The following TGOLN2 variants were observed in gnomAD, a reference collection of about 807,000 sequenced individuals.
TGOLN2 encodes the protein trans-golgi network protein 2.
TGOLN2 carries 19 observed loss-of-function variants against 31.3 expected under a neutral mutation model. The ratio of observed to expected loss-of-function variants is 0.61; its 90% confidence interval spans 0.42 to 0.89. TGOLN2 has a LOEUF of 0.89. Ranked by LOEUF, TGOLN2 falls within the 40% of genes least tolerant of loss-of-function variation. The pLI, the probability that TGOLN2 is intolerant of heterozygous loss-of-function variation, is 0.00. For synonymous variants in TGOLN2, 222 were observed against 226.7 expected, an observed-to-expected ratio of 0.98 and a Z score of 0.19; for missense variants, 540 against 559.2, an observed-to-expected ratio of 0.97 and a Z score of 0.35.
At chr2:85,325,092 G>T in intron 2 of TGOLN2, 94 bp from the exon 3 acceptor site, 1 of 1,143,500 alleles carries the variant, frequency 8.7e-7, no homozygotes, top group Non-Finnish European at 1.3e-6. Context: ...TAGCATATTT[G>T]TTAATGACCC....
chr2:85,324,189 G>C (rs761940499), intron 3 of TGOLN2, among the ~76,000 whole-genome samples: 1 of 152,150 alleles, frequency 6.6e-6, no homozygotes, highest in Admixed American at 6.5e-5. Flanking sequence ...TTGGGAGGTC[G>C]AGGCGGGCGG....
At position 85,327,361 on chromosome 2, in the gene TGOLN2, C is replaced by T. The variant is rs1214876969; in HGVS notation, c.371G>A (p.Ser124Asn). The change falls in exon 2 of 4, where the codon AGT becomes AAT. Residue 124 changes from serine to asparagine, a missense_variant. Transcript: ENST00000377386. Reference sequence around the variant, plus strand: ...AGTCTGCAGCTCCGGATGCGACTTACTAGTGCTGTCTTTTGTGGTCTGCGC... The same window carrying T: ...AGTCTGCAGCTCCGGATGCGACTTATTAGTGCTGTCTTTTGTGGTCTGCGC... ...SEAQTTKDST[S>N]KSHPELQTPK... is the part of the protein sequence containing the mutation. 20 of 1,592,798 alleles carry T rather than the reference C, an allele frequency of 1.3e-5. No individual in the cohort carries two copies. Among genetic ancestry groups the T allele is most frequent in the Non-Finnish European group, 1.5e-5 (18 of 1,172,860 alleles).
At chr2:85,323,621 G>A (rs1396831607) in intron 3 of TGOLN2, among the ~76,000 whole-genome samples, 2 of 152,190 alleles carry the variant, frequency 1.3e-5, no homozygotes, top group Non-Finnish European at 2.9e-5. Flanking sequence ...TCAATTATCT[G>A]AAAAGGCAGT....
Position 85,321,475 on chromosome 2 carries a change from T to C in TGOLN2, c.*1261A>G, listed in dbSNP as rs780942528. On this transcript the variant is annotated 3_prime_UTR_variant, in exon 4 of 4. Transcript: ENST00000377386. ...TCCCTGAGATCAGCTCAGAAACAAC[T>C]CTCTTTAGGCTCTCTACAATGCGGT... 1 of 152,614 alleles carries C rather than the reference T, an allele frequency of 6.6e-6. No individual in the cohort carries two copies. The highest frequency in any genetic ancestry group is 6.5e-5 in the Admixed American group (1 of 15,272). The allele number at this position is 152,614 out of a possible 1,614,324, so 9.5% of individuals were successfully genotyped here. A position where few individuals can be genotyped will look rare whatever the true frequency, so the allele number is the denominator to read the frequency against.
rs772235449 is a variant in TGOLN2, at chr2:85,327,154, G to C, written c.578C>G (p.Ser193Cys). Residue 193 changes from serine to cysteine, a missense_variant, in exon 2 of 4, where the codon TCC (serine) becomes TGC (cysteine). By Grantham distance (112) the Ser-to-Cys change is moderately radical. Transcript: ENST00000377386. ...CTGATCCTCCGCACCCGACTTGCTGGAGCCGTCTTTTGGGGTCTGGCCGTC... is the reference window on the plus strand; with the variant it reads ...CTGATCCTCCGCACCCGACTTGCTGCAGCCGTCTTTTGGGGTCTGGCCGTC... The part of the protein sequence containing the change: ...GADGQTPKDG[S>C]SKSGAEDQTP... The C allele has an allele frequency of 6.2e-7, 1 of 1,613,696 alleles. No individual in the cohort carries two copies. The highest frequency in any genetic ancestry group is 8.5e-7 in the Non-Finnish European group (1 of 1,179,864).
Position 85,327,123 on chromosome 2 carries a change from T to G in TGOLN2, c.609A>C (p.Pro203=), listed in dbSNP as rs2104416712. 7 of 1,613,832 alleles carry G rather than the reference T, an allele frequency of 4.3e-6. No homozygotes were observed. In the East Asian group the frequency reaches 1.6e-4, roughly 36 times the overall value. Residue 203 remains proline, a synonymous_variant, in exon 2 of 4, where the codon CCA becomes CCC. Transcript: ENST00000377386. ...SSKSGAEDQT[P]KDVPNKSGAE... Reference sequence around the variant, plus strand: ...CACCCGACTTGTTAGGGACGTCTTTTGGGGTCTGATCCTCCGCACCCGACT... The same window carrying G: ...CACCCGACTTGTTAGGGACGTCTTTGGGGGTCTGATCCTCCGCACCCGACT...
intron 3 of TGOLN2, among the ~76,000 whole-genome samples, chr2:85,323,761 C>T (rs1343586001): frequency 6.6e-6 from 1 of 152,192 alleles, no homozygotes; most frequent in Admixed American, 6.5e-5. Flanking sequence ...AGTCTGGGAA[C>T]AATTCATAGT....
chr2:85,326,813 G>T lies in TGOLN2; in HGVS notation c.919C>A (p.Pro307Thr). 2 of 1,614,060 alleles carry T rather than the reference G, an allele frequency of 1.2e-6. No homozygotes were observed. The highest frequency in any genetic ancestry group is 1.7e-6 in the Non-Finnish European group (2 of 1,179,900). ...ESGEETDLIS[P>T]PQEEVKSSEP... ...GAAGACTTAACTTCCTCCTGCGGGG[G>T]AGAAATGAGGTCAGTTTCCTCCCCA... The change falls in exon 2 of 4, where the codon CCC (proline) becomes ACC (threonine). Residue 307 changes from proline (P) to threonine (T), a missense_variant. Pro to Thr is a conservative substitution (Grantham distance 38). Transcript: ENST00000377386.
chr2:85,326,450 C>G lies in TGOLN2; in HGVS notation c.1224+58G>C, dbSNP rs1183550241. ...CTAGTGACGGGATACCCACCCACAC[C>G]CAAGCTTCCAGGGTGCTGGAAACCC... On this transcript the variant is annotated intron_variant, in intron 2 of 3. Coordinates refer to ENST00000377386, the MANE Select transcript of TGOLN2 (RefSeq NM_006464.4). 3.2e-6 allele frequency: 5 copies of G among 1,564,714 alleles called. No individual in the cohort carries two copies. The South Asian group carries it at 4.6e-5, about 15-fold the overall frequency.
chr2:85,326,027 A>G (rs1370591432), intron 2 of TGOLN2, among the ~76,000 whole-genome samples: 1 of 152,220 alleles, frequency 6.6e-6, no homozygotes, highest in Non-Finnish European at 1.5e-5. Context: ...TATTAATTGC[A>G]GAAGTCCCTG....
rs6547611 is a variant in TGOLN2 at position 85,321,516 on chromosome 2, A to G, written c.*1220T>C. On this transcript the variant is annotated 3_prime_UTR_variant, in exon 4 of 4. Coordinates refer to ENST00000377386, the MANE Select transcript of TGOLN2 (RefSeq NM_006464.4). ...ACAATGCGGTAGAGCATGATTAGAA[A>G]AGATAAACCTTCAAACAATAGTGTT... 104,699 of 152,552 alleles carry G rather than the reference A, an allele frequency of 0.69. 36,822 individuals are homozygous for G. The highest frequency in any genetic ancestry group is 0.96 in the East Asian group (4,973 of 5,182). The allele number at this position is 152,552 out of a possible 1,614,324, so 9.4% of individuals were successfully genotyped here.
chr2:85,321,031 G>C lies in TGOLN2; in HGVS notation c.*1705C>G, dbSNP rs570893728. Reference sequence around the variant, plus strand: ...AGCGGGATGAATAACAAATAGGACAGATGGGAACAGAAAAATCTGGGTGCA... The same window carrying C: ...AGCGGGATGAATAACAAATAGGACACATGGGAACAGAAAAATCTGGGTGCA... On this transcript the variant is annotated 3_prime_UTR_variant, in exon 4 of 4. Coordinates refer to ENST00000377386, the MANE Select transcript of TGOLN2 (RefSeq NM_006464.4). 6.6e-6 allele frequency: 1 copy of C among 152,210 alleles called. No homozygotes were observed. The highest frequency in any genetic ancestry group is 6.5e-5 in the Admixed American group (1 of 15,276). The allele number at this position is 152,210 out of a possible 1,614,324, so 9.4% of individuals were successfully genotyped here.
At position 85,327,344 on chromosome 2, in the gene TGOLN2, G is replaced by C; in HGVS notation, c.388C>G (p.Leu130Val). The C allele has an allele frequency of 6.2e-7, 1 of 1,607,564 alleles. No homozygotes were observed. Among genetic ancestry groups the C allele is most frequent in the East Asian group, 2.2e-5 (1 of 44,722 alleles). The change falls in exon 2 of 4, where the codon CTG becomes GTG. Residue 130 changes from leucine to valine, a missense_variant. Transcript: ENST00000377386. The stretch of plus-strand genomic sequence containing the variant: ...CCAGTGCTGTCTTTTGGAGTCTGCA[G>C]CTCCGGATGCGACTTACTAGTGCTG... ...KDSTSKSHPE[L>V]QTPKDSTGKS...
rs1276333803 is a variant in TGOLN2 at position 85,321,709 on chromosome 2, T to C, written c.*1027A>G. ...GAGGTAAAATTGGCAGAGAGTATAG[T>C]TTCTATTAATAAATCTAAGTCTATT... On this transcript the variant is annotated 3_prime_UTR_variant, in exon 4 of 4. Transcript: ENST00000377386. 2 of 152,190 alleles carry C rather than the reference T, an allele frequency of 1.3e-5. No individual in the cohort carries two copies. The highest frequency in any genetic ancestry group is 2.4e-5 in the African/African-American group (1 of 41,436). 9.4% of individuals were successfully genotyped at this position (152,190 alleles called of 1,614,324 possible). A position where few individuals can be genotyped will look rare whatever the true frequency, so the allele number is the denominator to read the frequency against.
Position 85,326,554 on chromosome 2 carries a change from G to C in TGOLN2, c.1178C>G (p.Ala393Gly), listed in dbSNP as rs1242549005. 5 of 1,613,790 alleles carry C rather than the reference G, an allele frequency of 3.1e-6. No individual in the cohort carries two copies. The Admixed American group carries it at 6.7e-5, about 22-fold the overall frequency. The part of the protein sequence containing the change: ...SHFFAYLVTA[A>G]ILVAVLYIAH... ...GATATAGAGGACAGCCACAAGAATGGCTGCAGTCACCAGATATGCAAAGAA... is the reference window on the plus strand; with the variant it reads ...GATATAGAGGACAGCCACAAGAATGCCTGCAGTCACCAGATATGCAAAGAA... The change falls in exon 2 of 4, where the codon GCC becomes GGC. Residue 393 changes from alanine (A) to glycine (G), a missense_variant. Ala to Gly is a moderately conservative substitution (Grantham distance 60, BLOSUM62 0). Coordinates refer to ENST00000377386, the MANE Select transcript of TGOLN2 (RefSeq NM_006464.4).
Position 85,318,112 on chromosome 2 carries a change from A to G in TGOLN2, c.*4624T>C, listed in dbSNP as rs1258448551. The G allele has an allele frequency of 6.6e-6, 1 of 152,320 alleles. No homozygotes were observed. Among genetic ancestry groups the G allele is most frequent in the East Asian group, 1.9e-4 (1 of 5,192 alleles). 9.4% of individuals were successfully genotyped at this position (152,320 alleles called of 1,614,324 possible). ...ATGGCATTTACAGAAGCTCAGAAAA[A>G]CATTATGCACTGAAAAATACTTCTC... On this transcript the variant is annotated 3_prime_UTR_variant, in exon 4 of 4. Coordinates refer to ENST00000377386, the MANE Select transcript of TGOLN2 (RefSeq NM_006464.4).
In TGOLN2 at chr2:85,319,415, A is replaced by T. The variant is rs1682474890; in HGVS notation, c.*3321T>A. The T allele has an allele frequency of 6.6e-6, 1 of 151,718 alleles. No individual in the cohort carries two copies. Among genetic ancestry groups the T allele is most frequent in the Non-Finnish European group, 1.5e-5 (1 of 67,946 alleles). The allele number at this position is 151,718 out of a possible 1,614,324, so 9.4% of individuals were successfully genotyped here. On this transcript the variant is annotated 3_prime_UTR_variant, in exon 4 of 4. Transcript: ENST00000377386. ...ATGGTCTCGATCTCTTGACCTCGTG[A>T]TCCCCCCGCCTCGGCCTCCCAAAGC...
Position 85,327,245 on chromosome 2 carries a change from C to T in TGOLN2, c.487G>A (p.Asp163Asn), listed in dbSNP as rs2104417192. The change falls in exon 2 of 4, where the codon GAC (aspartate) becomes AAC (asparagine). Residue 163 changes from aspartate (D) to asparagine (N), a missense_variant. Physicochemically the swap from Asp to Asn is conservative, Grantham distance 23 (BLOSUM62 1). Coordinates refer to ENST00000377386, the MANE Select transcript of TGOLN2 (RefSeq NM_006464.4). ...RSGAEAKTQK[D>N]SPSKSGSEAQ... ...TCCGAACCTGACTTGCTAGGGCTGT[C>T]TTTTTGGGTCTTTGCCTCCGCACCC... The T allele has an allele frequency of 1.2e-6, 2 of 1,613,836 alleles. No individual in the cohort carries two copies. Among genetic ancestry groups the T allele is most frequent in the East Asian group, 4.5e-5 (2 of 44,870 alleles).
chr2:85,326,413 G>A, intron 2 of TGOLN2, 95 bp downstream of exon 2: 1 of 1,235,090 alleles, frequency 8.1e-7, no homozygotes, highest in South Asian at 1.4e-5. Context: ...AGTCCCCAGT[G>A]CTCACGGGCA....
Sources: gnomAD v4.1 joint callset for allele counts (sites outside exome capture counted in the v4.1 genomes callset) on GRCh38, gnomAD v4.1.1 for gene constraint, MANE v1.5 for transcripts, NCBI Gene and HGNC (gene_info 2026-07-23, HGNC 2026-07-21) for gene names.